The following RORA variants were observed in gnomAD, a reference collection of about 807,000 sequenced individuals.
RORA encodes the protein nuclear receptor ROR-alpha.
Under a neutral mutation model 69.5 loss-of-function variants are expected in RORA, and 7 were observed. That is an observed-to-expected ratio of 0.10 (90% CI 0.06 to 0.19). The LOEUF is 0.19. Ranked by LOEUF, RORA falls within the 10% of genes least tolerant of loss-of-function variation. The pLI, the probability that RORA is intolerant of heterozygous loss-of-function variation, is 1.00. For synonymous variants in RORA, 261 were observed against 240.8 expected (o/e 1.08, Z -0.78); for missense variants, 457 against 663.0 (o/e 0.69, Z 3.41).
intron 1 of RORA, chr15:60,841,003 GACA>G (rs759107737): frequency 1.9e-5 from 14 of 747,526 alleles, no homozygotes; most frequent in Non-Finnish European, 2.1e-5. Flanking sequence ...CTCCTTCCTC[GACA>G]ACGATACCTT....
intron 1 of RORA, among the ~76,000 whole-genome samples, chr15:61,083,227 C>T (rs1322544263): frequency 1.3e-5 from 2 of 152,194 alleles, no homozygotes; most frequent in Admixed American, 1.3e-4. Context: ...CGGCTTCCCT[C>T]TCCCAGCCTG....
At chr15:60,719,046 G>A (rs1040702797) in intron 1 of RORA, among the ~76,000 whole-genome samples, 5 of 147,346 alleles carry the variant, frequency 3.4e-5, no homozygotes, top group African/African-American at 1.1e-4. Flanking sequence ...TGGGGGGGGT[G>A]TGTGTGTGTG....
At chr15:60,749,859 C>G (rs2071699128) in intron 1 of RORA, among the ~76,000 whole-genome samples, 1 of 152,104 alleles carries the variant, frequency 6.6e-6, no homozygotes, top group South Asian at 2.1e-4. Flanking sequence ...GAGACCCCGT[C>G]TCTACTACAA....
intron 1 of RORA, among the ~76,000 whole-genome samples, chr15:60,877,245 G>A (rs569700955): frequency 2.0e-5 from 3 of 152,280 alleles, no homozygotes; most frequent in East Asian, 1.9e-4. Flanking sequence ...GCAGACACAA[G>A]GACCTCTTAA....
intron 1 of RORA, among the ~76,000 whole-genome samples, chr15:60,803,518 G>C (rs1466219853): frequency 6.6e-6 from 1 of 152,182 alleles, no homozygotes; most frequent in African/African-American, 2.4e-5. Context: ...TCCAAGAAAA[G>C]GCAAGGAATT....
chr15:60,810,633 A>G (rs989869205), intron 1 of RORA, among the ~76,000 whole-genome samples: 4 of 151,564 alleles, frequency 2.6e-5, no homozygotes, highest in Non-Finnish European at 5.9e-5. Context: ...CTTTTTTTAG[A>G]ACATTGTTCT....
chr15:60,608,288 T>G (rs2068999394), intron 2 of RORA, among the ~76,000 whole-genome samples: 1 of 152,246 alleles, frequency 6.6e-6, no homozygotes, highest in Admixed American at 6.5e-5. Context: ...CTTTTTGTAT[T>G]AAAGTCACCG....
At chr15:61,121,906 G>T (rs1314082590) in intron 1 of RORA, among the ~76,000 whole-genome samples, 1 of 150,748 alleles carries the variant, frequency 6.6e-6, no homozygotes, top group African/African-American at 2.4e-5. Flanking sequence ...CATACTGCAG[G>T]TTATGAAAAT....
chr15:60,775,565 A>C (rs2072153566), intron 1 of RORA, among the ~76,000 whole-genome samples: 1 of 152,088 alleles, frequency 6.6e-6, no homozygotes, highest in Non-Finnish European at 1.5e-5. Context: ...AAGCTTTAAG[A>C]TCTCTTTTCC....
intron 1 of RORA, among the ~76,000 whole-genome samples, chr15:60,689,887 G>C (rs1373536176): frequency 6.6e-6 from 1 of 152,158 alleles, no homozygotes; most frequent in Non-Finnish European, 1.5e-5. Context: ...CCTTCAGAGG[G>C]AGCAAGGCTC....
chr15:61,203,704 G>A (rs1170618736), intron 1 of RORA, among the ~76,000 whole-genome samples: 1 of 152,152 alleles, frequency 6.6e-6, no homozygotes, highest in East Asian at 1.9e-4. Flanking sequence ...CAATGAACAA[G>A]CACAAGTCTT....
chr15:60,821,598 C>T (rs1039571647), intron 1 of RORA, among the ~76,000 whole-genome samples: 1 of 152,206 alleles, frequency 6.6e-6, no homozygotes, highest in African/African-American at 2.4e-5. Flanking sequence ...TCTCTTTCTC[C>T]TCCCTGCCTA....
chr15:60,878,068 A>G (rs1384383779), intron 1 of RORA, among the ~76,000 whole-genome samples: 1 of 151,488 alleles, frequency 6.6e-6, no homozygotes, highest in Non-Finnish European at 1.5e-5. Flanking sequence ...GCGGTGGCTC[A>G]CACCTGTAAT....
rs74018171 is a variant in RORA, at chr15:60,997,383, T to C, written c.166+231670A>G. 9.8e-3 allele frequency among the ~76,000 whole-genome samples: 1,499 copies of C among 152,236 alleles called. 30 individuals are homozygous for C. The highest frequency in any genetic ancestry group is 0.035 in the African/African-American group (1,436 of 41,530). ...ACATACAGCTGTCTCGTGCCAAACA[T>C]GAATCTTCCGAGAGTCAAGTCTGTT... On this transcript the variant is annotated intron_variant, in intron 1 of 10. Coordinates refer to ENST00000335670, the MANE Select transcript of RORA (RefSeq NM_134261.3).
chr15:60,939,956 G>A (rs745525524), intron 1 of RORA, among the ~76,000 whole-genome samples: 3 of 152,146 alleles, frequency 2.0e-5, no homozygotes, highest in South Asian at 2.1e-4. Context: ...TCATGTGCCC[G>A]AAGGCCTATC....
chr15:60,528,817 C>T (rs2066442065), intron 3 of RORA: 1 of 152,194 alleles, frequency 6.6e-6, no homozygotes, highest in Non-Finnish European at 1.5e-5. Context: ...TTACAGTCCT[C>T]ATTTTACAGA....
intron 2 of RORA, among the ~76,000 whole-genome samples, chr15:60,638,460 C>A (rs1237754893): frequency 1.4e-5 from 2 of 147,238 alleles, no homozygotes; most frequent in Non-Finnish European, 3.0e-5. Flanking sequence ...ACATCTAGAA[C>A]CCAGTACTGG....
At chr15:60,945,987 G>A (rs893680249) in intron 1 of RORA, among the ~76,000 whole-genome samples, 4 of 152,218 alleles carry the variant, frequency 2.6e-5, no homozygotes, top group Non-Finnish European at 4.4e-5. Context: ...CCCACCCTGA[G>A]TTCAGGCTGG....
At chr15:61,130,484 G>T (rs766107986) in intron 1 of RORA, among the ~76,000 whole-genome samples, 2 of 152,168 alleles carry the variant, frequency 1.3e-5, no homozygotes, top group Admixed American at 6.5e-5. Flanking sequence ...ACTGCCTTTC[G>T]CAGTGTGAGA....
Sources: gnomAD v4.1 joint callset for allele counts (sites outside exome capture counted in the v4.1 genomes callset) on GRCh38, gnomAD v4.1.1 for gene constraint, MANE v1.5 for transcripts, NCBI Gene and HGNC (gene_info 2026-07-23, HGNC 2026-07-21) for gene names.